Variants in TRMT11 observed in about 807,000 individuals in gnomAD.
The protein encoded by TRMT11 is tRNA methyltransferase 11.
A neutral mutation model predicts 62.8 loss-of-function variants in TRMT11; 53 were observed. The ratio of observed to expected loss-of-function variants is 0.84; its 90% CI spans 0.68 to 1.06. The LOEUF is 1.06. Among genes scored for constraint, TRMT11 ranks in the 50% least tolerant of loss-of-function variants. The pLI is 0.00. For synonymous variants in TRMT11, 188 were observed against 190.3 expected, an observed-to-expected ratio of 0.99 and a Z score of 0.10; for missense variants, 556 against 553.4, an observed-to-expected ratio of 1.00 and a Z score of -0.05.
chr6:126,227,933 G>A, the TRMT11 span, among the ~76,000 whole-genome samples: 10 of 152,212 alleles, frequency 6.6e-5, no homozygotes, highest in African/African-American at 1.7e-4. Context: ...CATAAAAGCC[G>A]TAAAACATGA....
At chr6:126,095,852 T>A (rs1777334148) in intron 17 of TRMT11, among the ~76,000 whole-genome samples, 1 of 152,266 alleles carries the variant, frequency 6.6e-6, no homozygotes, top group South Asian at 2.1e-4. Flanking sequence ...GAGAGCTTTT[T>A]AAGTGGGATC....
intron 21 of TRMT11, among the ~76,000 whole-genome samples, chr6:126,132,994 A>G (rs1777805055): frequency 6.6e-6 from 1 of 151,934 alleles, no homozygotes. Context: ...GCTCATTTAC[A>G]CTTAACTCAT....
chr6:126,259,166 T>C, the TRMT11 span, among the ~76,000 whole-genome samples: 1 of 152,242 alleles, frequency 6.6e-6, no homozygotes. Context: ...ATTTTTTTTA[T>C]GGCTGCATAG....
chr6:126,235,495 C>T, the TRMT11 span, among the ~76,000 whole-genome samples: 1 of 152,196 alleles, frequency 6.6e-6, no homozygotes, highest in Non-Finnish European at 1.5e-5. Context: ...AAATGTGGTA[C>T]ATATACACCA....
At chr6:126,230,195 C>G in the TRMT11 span, among the ~76,000 whole-genome samples, 3 of 152,178 alleles carry the variant, frequency 2.0e-5, no homozygotes, top group African/African-American at 4.8e-5. Flanking sequence ...CACCTAACCA[C>G]TTGCAAAAAT....
the TRMT11 span, among the ~76,000 whole-genome samples, chr6:126,265,048 T>C: frequency 2.6e-5 from 4 of 152,128 alleles, no homozygotes. Context: ...AACACTTCTT[T>C]CATATTGGCT....
intron 12 of TRMT11, among the ~76,000 whole-genome samples, chr6:126,034,638 C>A (rs1774840823): frequency 6.6e-6 from 1 of 151,970 alleles, no homozygotes; most frequent in South Asian, 2.1e-4. Context: ...TTTCCTAATT[C>A]TTGTGTGTTT....
chr6:125,986,955 C>A, intron 1 of TRMT11: 1 of 319,470 alleles, frequency 3.1e-6, no homozygotes, highest in Non-Finnish European at 5.8e-6. Context: ...AATGCTCAGG[C>A]TGGTGTTTGA....
chr6:126,197,654 A>C (rs990366997), intron 1 of TRMT11, among the ~76,000 whole-genome samples: 3 of 152,168 alleles, frequency 2.0e-5, no homozygotes, highest in Non-Finnish European at 4.4e-5. Context: ...TACAAAGCAG[A>C]CTTGTTCTTC....
At chr6:126,124,932 T>A (rs76347204) in intron 21 of TRMT11, among the ~76,000 whole-genome samples, 2,475 of 152,184 alleles carry the variant, frequency 0.016, 30 homozygotes, top group Non-Finnish European at 0.026. Flanking sequence ...TCTTTAGAAA[T>A]TAACCTCCTG....
chr6:126,169,933 T>C (rs887588058), intron 21 of TRMT11, among the ~76,000 whole-genome samples: 1 of 152,192 alleles, frequency 6.6e-6, no homozygotes, highest in African/African-American at 2.4e-5. Flanking sequence ...TTCAGGTTCC[T>C]GACTGTCTTT....
At chr6:126,197,194 T>C (rs922604541) in intron 1 of TRMT11, among the ~76,000 whole-genome samples, 22 of 152,184 alleles carry the variant, frequency 1.4e-4, no homozygotes, top group Non-Finnish European at 7.3e-5. Flanking sequence ...TTCTACTTCT[T>C]CTGCTTTATC....
At chr6:126,231,128 A>AT in the TRMT11 span, among the ~76,000 whole-genome samples, 3 of 152,138 alleles carry the variant, frequency 2.0e-5, no homozygotes, top group African/African-American at 4.8e-5. Context: ...TTGAGTTAGC[A>AT]TTTTTTAATC....
intron 21 of TRMT11, among the ~76,000 whole-genome samples, chr6:126,119,145 A>G (rs1005135091): frequency 3.3e-5 from 5 of 151,842 alleles, no homozygotes; most frequent in African/African-American, 1.2e-4. Flanking sequence ...TTCTGATGAG[A>G]CATTTAGCAC....
At chr6:125,993,045 ATAG>A (rs1230661009) in intron 1 of TRMT11, among the ~76,000 whole-genome samples, 2 of 152,058 alleles carry the variant, frequency 1.3e-5, no homozygotes, top group Non-Finnish European at 2.9e-5. Flanking sequence ...AGGAAAGGGG[ATAG>A]TAGGTAGCCA....
At chr6:126,089,756 A>C (rs1777253558) in intron 17 of TRMT11, among the ~76,000 whole-genome samples, 1 of 152,224 alleles carries the variant, frequency 6.6e-6, no homozygotes, top group African/African-American at 2.4e-5. Context: ...ATTTATGTCT[A>C]CTGTAATTGT....
chr6:126,174,519 T>C (rs1376783062), upstream of TRMT11, among the ~76,000 whole-genome samples: 1 of 152,228 alleles, frequency 6.6e-6, no homozygotes, highest in Non-Finnish European at 1.5e-5. Flanking sequence ...AAAGCCACAC[T>C]GTTCCTAACC....
At chr6:126,128,567 G>A (rs939360788) in intron 21 of TRMT11, among the ~76,000 whole-genome samples, 1 of 152,070 alleles carries the variant, frequency 6.6e-6, no homozygotes, top group Non-Finnish European at 1.5e-5. Context: ...ATGGTTATAT[G>A]TAAATATGTG....
At chr6:126,150,159 A>T (rs1778021949) in intron 21 of TRMT11, among the ~76,000 whole-genome samples, 1 of 152,130 alleles carries the variant, frequency 6.6e-6, no homozygotes, top group African/African-American at 2.4e-5. Context: ...TGGGTGAAGA[A>T]CTGGTGGCTT....
Sources: gnomAD v4.1 joint callset for allele counts (sites outside exome capture counted in the v4.1 genomes callset) on GRCh38, gnomAD v4.1.1 for gene constraint, MANE v1.5 for transcripts, NCBI Gene and HGNC (gene_info 2026-07-23, HGNC 2026-07-21) for gene names.